The following PLA2G4A variants were observed in gnomAD, a reference collection of about 807,000 sequenced individuals.
PLA2G4A encodes phospholipase A2 group IVA, also known as cytosolic phospholipase A2.
Under a neutral mutation model 81.9 loss-of-function variants are expected in PLA2G4A, and 40 were observed. The observed-to-expected ratio is 0.49, with a 90% CI of 0.38 to 0.64. The LOEUF is 0.64. PLA2G4A is among the 30% of genes least tolerant of loss of function. The pLI is 0.00. For synonymous variants in PLA2G4A, 302 were observed against 296.9 expected (o/e 1.02, Z -0.18); for missense variants, 715 against 905.1 (o/e 0.79, Z 2.69).
At chr1:186,851,588 T>A (rs1325887442) in intron 1 of PLA2G4A, among the ~76,000 whole-genome samples, 1 of 152,018 alleles carries the variant, frequency 6.6e-6, no homozygotes, top group Non-Finnish European at 1.5e-5. Context: ...TCATTGCTGA[T>A]CACTTTAAAA....
chr1:186,935,994 G>A (rs1375614044), intron 8 of PLA2G4A, among the ~76,000 whole-genome samples: 1 of 151,764 alleles, frequency 6.6e-6, no homozygotes, highest in Non-Finnish European at 1.5e-5. Context: ...TAGCCAACCT[G>A]GAGACCCGAA....
At chr1:186,904,859 ATTT>A (rs148742175) in intron 5 of PLA2G4A, among the ~76,000 whole-genome samples, 1 of 86,626 alleles carries the variant, frequency 1.2e-5, no homozygotes, top group African/African-American at 6.8e-5. Context: ...ATATATATAT[ATTT>A]TTTTTTTTGA....
rs190362357 is a variant in PLA2G4A, at chr1:186,845,512, T to C, written c.-69-8774T>C. Among the ~76,000 whole-genome samples the C allele has an allele frequency of 5.0e-3, 763 of 152,294 alleles. 8 individuals are homozygous for C. Among genetic ancestry groups the C allele is most frequent in the South Asian group, 0.018 (88 of 4,824 alleles). On this transcript the variant is annotated intron_variant, in intron 1 of 17. Coordinates refer to ENST00000367466, the MANE Select transcript of PLA2G4A (RefSeq NM_024420.3). ...AGACAGGCTAGAACTTGGGTCATTCTGGCTGCAGTCAAGAAGTTGCTGCCA... is the reference window on the plus strand; with the variant it reads ...AGACAGGCTAGAACTTGGGTCATTCCGGCTGCAGTCAAGAAGTTGCTGCCA...
chr1:186,964,222 CA>C (rs946377664), intron 14 of PLA2G4A, among the ~76,000 whole-genome samples: 1 of 152,090 alleles, frequency 6.6e-6, no homozygotes, highest in African/African-American at 2.4e-5. Context: ...AGAGTGTGGA[CA>C]AGGGAACAGA....
chr1:186,909,069 G>A (rs1458298643), intron 6 of PLA2G4A, among the ~76,000 whole-genome samples: 1 of 142,968 alleles, frequency 7.0e-6, no homozygotes, highest in Admixed American at 7.3e-5. Context: ...TGCCTCCCAG[G>A]TTCACGCCAT....
chr1:186,965,190 G>A (rs986346406), intron 14 of PLA2G4A, among the ~76,000 whole-genome samples: 1 of 152,130 alleles, frequency 6.6e-6, no homozygotes, highest in Non-Finnish European at 1.5e-5. Context: ...AACCTTATTT[G>A]ATAATTACTT....
chr1:186,959,965 G>A (rs1313530671), intron 14 of PLA2G4A, among the ~76,000 whole-genome samples: 2 of 152,002 alleles, frequency 1.3e-5, no homozygotes, highest in African/African-American at 2.4e-5. Context: ...TTTAACCTAT[G>A]ATGATTTTGT....
intron 7 of PLA2G4A, among the ~76,000 whole-genome samples, chr1:186,931,666 A>G (rs1655750647): frequency 6.6e-6 from 1 of 151,918 alleles, no homozygotes; most frequent in African/African-American, 2.4e-5. Context: ...TGACTATACA[A>G]TCTTTTTGGT....
At chr1:186,862,134 T>G (rs548116413) in intron 2 of PLA2G4A, among the ~76,000 whole-genome samples, 77 of 151,456 alleles carry the variant, frequency 5.1e-4, no homozygotes, top group African/African-American at 1.7e-3. Context: ...CTGATTGCCT[T>G]TTTATATATG....
chr1:186,830,204 A>G (rs1322405703), intron 1 of PLA2G4A, among the ~76,000 whole-genome samples: 4 of 152,374 alleles, frequency 2.6e-5, no homozygotes, highest in East Asian at 3.9e-4. Flanking sequence ...TGTGAAATGC[A>G]TAGAGAAGTG....
chr1:186,915,741 T>C (rs985769545), intron 7 of PLA2G4A, among the ~76,000 whole-genome samples: 2 of 152,106 alleles, frequency 1.3e-5, no homozygotes, highest in Non-Finnish European at 2.9e-5. Context: ...GCTTTGGAAA[T>C]TTACTAAATG....
intron 5 of PLA2G4A, among the ~76,000 whole-genome samples, chr1:186,903,521 A>G (rs1654622734): frequency 6.6e-6 from 1 of 152,232 alleles, no homozygotes; most frequent in East Asian, 1.9e-4. Flanking sequence ...GCAAAGCTTC[A>G]TCTGTATTTA....
At chr1:186,848,979 C>A (rs1221545428) in intron 1 of PLA2G4A, among the ~76,000 whole-genome samples, 1 of 152,022 alleles carries the variant, frequency 6.6e-6, no homozygotes, top group Non-Finnish European at 1.5e-5. Context: ...AACTTTGGAT[C>A]CCAGCAACAG....
chr1:186,879,327 G>A (rs949363846), intron 3 of PLA2G4A, among the ~76,000 whole-genome samples: 8 of 152,062 alleles, frequency 5.3e-5, no homozygotes, highest in East Asian at 3.9e-4. Context: ...AACCCAGTGC[G>A]TATTCCAGCA....
chr1:186,987,922 GGCAATTCTCCA>G (rs1657937876), intron 17 of PLA2G4A, among the ~76,000 whole-genome samples: 1 of 152,278 alleles, frequency 6.6e-6, no homozygotes, highest in South Asian at 2.1e-4. Flanking sequence ...GAGGAAGGAA[GGCAATTCTCCA>G]GCAATGCCTT....
chr1:186,907,264 T>C (rs190904127), intron 6 of PLA2G4A, among the ~76,000 whole-genome samples: 5 of 152,316 alleles, frequency 3.3e-5, no homozygotes, highest in Admixed American at 2.6e-4. Context: ...TCAGAATAAG[T>C]GCTTTATGAA....
Position 186,894,213 on chromosome 1 carries a change from T to G in PLA2G4A, c.378+2T>G. 1.0e-6 allele frequency: 1 copy of G among 970,474 alleles called. No individual in the cohort carries two copies. The highest frequency in any genetic ancestry group is 1.7e-6 in the Non-Finnish European group (1 of 592,154). The allele number at this position is 970,474 out of a possible 1,614,324, so 60.1% of individuals were successfully genotyped here. ...GAAGTTCCTTTTATTTTCAACCAAGTAAGTAACACTGCAGAATTATATTCC... is the reference window on the plus strand; with the variant it reads ...GAAGTTCCTTTTATTTTCAACCAAGGAAGTAACACTGCAGAATTATATTCC... On this transcript the variant is annotated splice_donor_variant, in intron 5 of 17. Coordinates refer to ENST00000367466, the MANE Select transcript of PLA2G4A (RefSeq NM_024420.3). LOFTEE classifies it high-confidence loss of function.
intron 2 of PLA2G4A, among the ~76,000 whole-genome samples, chr1:186,862,982 A>G (rs1652872176): frequency 6.6e-6 from 1 of 152,268 alleles, no homozygotes; most frequent in African/African-American, 2.4e-5. Flanking sequence ...CCATTGGACT[A>G]GAATCTATAT....
At chr1:186,950,060 A>G (rs1184304045) in intron 12 of PLA2G4A, among the ~76,000 whole-genome samples, 1 of 152,114 alleles carries the variant, frequency 6.6e-6, no homozygotes, top group Non-Finnish European at 1.5e-5. Context: ...TTATTATGCT[A>G]GAATTTACTG....
Sources: allele counts gnomAD v4.1 joint callset (sites outside exome capture counted in the v4.1 genomes callset), GRCh38; gene constraint gnomAD v4.1.1; transcripts MANE v1.5; gene names NCBI Gene and HGNC (gene_info 2026-07-23, HGNC 2026-07-21).